The following DUSP10 variants were observed in gnomAD, a reference collection of about 807,000 sequenced individuals.
DUSP10 encodes the protein dual specificity protein phosphatase 10.
DUSP10 carries 14 observed loss-of-function variants against 30.8 expected under a neutral mutation model. That is an observed-to-expected ratio of 0.46 (90% confidence interval 0.30 to 0.71). The LOEUF is 0.71. Among genes scored for constraint, DUSP10 ranks in the 30% least tolerant of loss-of-function variants. The pLI, the probability that DUSP10 is intolerant of heterozygous loss-of-function variation, is 0.08. For synonymous variants in DUSP10, 254 were observed against 250.4 expected (o/e 1.01, Z -0.14); for missense variants, 550 against 619.4 (o/e 0.89, Z 1.19).
Position 221,739,918 on chromosome 1 carries a change from T to C in DUSP10, c.-43-131A>G, listed in dbSNP as rs1159783101. The C allele has an allele frequency of 1.8e-5, 16 of 896,922 alleles. No individual in the cohort carries two copies. In the Admixed American group the frequency reaches 2.1e-4, roughly 12 times the overall value. The allele number at this position is 896,922 out of a possible 1,614,324, so 55.6% of individuals were successfully genotyped here. ...TCCTAATTGCCCTTTATCATACCATTATCAAAACTTGAAATTCATTTTTAT... is the reference window on the plus strand; with the variant it reads ...TCCTAATTGCCCTTTATCATACCATCATCAAAACTTGAAATTCATTTTTAT... On this transcript the variant is annotated intron_variant, in intron 1 of 3. Transcript: ENST00000366899.
chr1:221,701,688 C>T lies in DUSP10; in HGVS notation c.*724G>A, dbSNP rs532144906. 2.0e-5 allele frequency: 3 copies of T among 151,920 alleles called. No homozygotes were observed. Among genetic ancestry groups the T allele is most frequent in the Non-Finnish European group, 4.4e-5 (3 of 67,926 alleles). 9.4% of individuals were successfully genotyped at this position (151,920 alleles called of 1,614,324 possible). On this transcript the variant is annotated 3_prime_UTR_variant, in exon 4 of 4. Transcript: ENST00000366899. Reference sequence around the variant, plus strand: ...TGGCAAATTTGCACTATTTGTCTATCATTCAGCTGCCAGCTCTAACTTGTT... The same window carrying T: ...TGGCAAATTTGCACTATTTGTCTATTATTCAGCTGCCAGCTCTAACTTGTT...
At chr1:221,735,770 G>A (rs1407617960) in intron 2 of DUSP10, among the ~76,000 whole-genome samples, 2 of 152,170 alleles carry the variant, frequency 1.3e-5, no homozygotes, top group Admixed American at 1.3e-4. Context: ...CCTGGACCCA[G>A]CTTTACTGAA....
At position 221,702,166 on chromosome 1, in the gene DUSP10, G is replaced by A. The variant is rs1660624076; in HGVS notation, c.*246C>T. The A allele has an allele frequency of 2.1e-6, 1 of 476,820 alleles. No individual in the cohort carries two copies. The highest frequency in any genetic ancestry group is 3.8e-5 in the Admixed American group (1 of 26,332). The allele number at this position is 476,820 out of a possible 1,614,324, so 29.5% of individuals were successfully genotyped here. Reference sequence around the variant, plus strand: ...AAACAAGTTGTATTATATTTTTATTGTTGGCTTAAAAAAATTACTTCTTTA... The same window carrying A: ...AAACAAGTTGTATTATATTTTTATTATTGGCTTAAAAAAATTACTTCTTTA... On this transcript the variant is annotated 3_prime_UTR_variant, in exon 4 of 4. Transcript: ENST00000366899. This position sits in a 1 kb window ranked among gnomAD's most constrained non-coding sequence, Gnocchi z 4.5.
intron 2 of DUSP10, among the ~76,000 whole-genome samples, chr1:221,733,065 A>G (rs984178773): frequency 1.3e-5 from 2 of 152,246 alleles, no homozygotes; most frequent in Admixed American, 6.5e-5. Flanking sequence ...TATATCACAC[A>G]TTCATGCCCA....
intron 2 of DUSP10, among the ~76,000 whole-genome samples, chr1:221,723,845 C>T (rs1661345549): frequency 6.6e-6 from 1 of 152,172 alleles, no homozygotes; most frequent in Non-Finnish European, 1.5e-5. Flanking sequence ...TTATTGGGTT[C>T]CATTACTTAG....
intron 2 of DUSP10, among the ~76,000 whole-genome samples, chr1:221,725,566 C>T (rs1661402684): frequency 1.3e-5 from 2 of 152,126 alleles, no homozygotes; most frequent in African/African-American, 2.4e-5. Context: ...TTATAATATA[C>T]TCAACCAATT....
chr1:221,738,501 T>C (rs1322587586), intron 2 of DUSP10, among the ~76,000 whole-genome samples: 1 of 152,258 alleles, frequency 6.6e-6, no homozygotes, highest in East Asian at 1.9e-4. Context: ...CCTGTAGGTT[T>C]ACTTGTAGTT....
At chr1:221,737,270 C>T (rs557094563) in intron 2 of DUSP10, 99 of 985,410 alleles carry the variant, frequency 1.0e-4, no homozygotes, top group Non-Finnish European at 1.1e-4. Flanking sequence ...TGAACACCTG[C>T]TCTGCGTGAG....
chr1:221,702,587 T>C lies in DUSP10; in HGVS notation c.1274A>G (p.Lys425Arg). ...ATCAGTCATGGTCATCCGAGTGTGC[T>C]TCATCAAGTAAGCGATGACGATGGT... ...SATIVIAYLM[K>R]HTRMTMTDAY... The change falls in exon 4 of 4, where the codon AAG (lysine) becomes AGG (arginine). Residue 425 changes from lysine to arginine, a missense_variant. Physicochemically the swap from Lys to Arg is conservative, Grantham distance 26. Transcript: ENST00000366899. The surrounding 1 kb of genome is among the most constrained non-coding windows in gnomAD (Gnocchi z 4.5). 1.9e-6 allele frequency: 3 copies of C among 1,614,090 alleles called. No homozygotes were observed. The highest frequency in any genetic ancestry group is 2.5e-6 in the Non-Finnish European group (3 of 1,180,028).
At chr1:221,705,621 G>A (rs1197411094) in intron 3 of DUSP10, among the ~76,000 whole-genome samples, 1 of 152,128 alleles carries the variant, frequency 6.6e-6, no homozygotes, top group Non-Finnish European at 1.5e-5. Context: ...CTCCCCTTAT[G>A]CTGGATGAAT....
In DUSP10 at chr1:221,739,760, T is replaced by C. The variant is rs201096194; in HGVS notation, c.-16A>G. ...ACGGAGGCATGAGGAGGCTGAAAAC[T>C]GGCAATTCAAGAAGAACTCAAGACA... On this transcript the variant is annotated 5_prime_UTR_variant, in exon 2 of 4. Transcript: ENST00000366899. The C allele has an allele frequency of 1.6e-4, 252 of 1,554,070 alleles. 1 individual carries two copies. In the East Asian group the frequency reaches 5.7e-3, roughly 35 times the overall value.
intron 2 of DUSP10, among the ~76,000 whole-genome samples, chr1:221,738,704 A>C (rs937293546): frequency 2.0e-5 from 3 of 152,250 alleles, no homozygotes; most frequent in Non-Finnish European, 4.4e-5. Context: ...TGCACAATGC[A>C]AATTAGAACC....
intron 2 of DUSP10, among the ~76,000 whole-genome samples, chr1:221,731,180 G>A (rs1661579500): frequency 6.6e-6 from 1 of 152,122 alleles, no homozygotes; most frequent in African/African-American, 2.4e-5. Flanking sequence ...AGGGGATTTA[G>A]GGGAAATAAC....
At chr1:221,715,494 GC>G (rs1661071845) in intron 2 of DUSP10, among the ~76,000 whole-genome samples, 1 of 152,096 alleles carries the variant, frequency 6.6e-6, no homozygotes, top group African/African-American at 2.4e-5. Context: ...CAGTTCTCTT[GC>G]CCCCCTCCTA....
intron 1 of DUSP10, among the ~76,000 whole-genome samples, chr1:221,740,959 C>T (rs979603987): frequency 3.3e-5 from 5 of 152,180 alleles, no homozygotes; most frequent in Non-Finnish European, 7.3e-5. Flanking sequence ...CCAAGAGACG[C>T]TCACCTAAAC....
At chr1:221,733,667 T>G (rs1454895712) in intron 2 of DUSP10, among the ~76,000 whole-genome samples, 1 of 152,228 alleles carries the variant, frequency 6.6e-6, no homozygotes, top group Non-Finnish European at 1.5e-5. Flanking sequence ...AGGTACTTTG[T>G]ATCACCTTGT....
intron 2 of DUSP10, among the ~76,000 whole-genome samples, chr1:221,715,588 C>A (rs887774955): frequency 3.9e-5 from 6 of 152,202 alleles, no homozygotes; most frequent in African/African-American, 1.4e-4. Flanking sequence ...ATAACACAGG[C>A]AGATTGTTTT....
chr1:221,739,494 G>C lies in DUSP10; in HGVS notation c.251C>G (p.Ala84Gly). Residue 84 changes from alanine (A) to glycine (G), a missense_variant, in exon 2 of 4, where the codon GCA becomes GGA. Coordinates refer to ENST00000366899, the MANE Select transcript of DUSP10 (RefSeq NM_007207.6). ...GGCCTGATTGTCCTTGTCGTAGGTTGCCACAGTGCAGCAGCTGGCACTGCT... is the reference window on the plus strand; with the variant it reads ...GGCCTGATTGTCCTTGTCGTAGGTTCCCACAGTGCAGCAGCTGGCACTGCT... Reference protein sequence around the residue: ...GCSSASCCTVATYDKDNQAQT... With the variant: ...GCSSASCCTVGTYDKDNQAQT... The C allele has an allele frequency of 6.2e-7, 1 of 1,614,194 alleles. No homozygotes were observed. Among genetic ancestry groups the C allele is most frequent in the Non-Finnish European group, 8.5e-7 (1 of 1,180,042 alleles).
At chr1:221,710,249 G>C (rs1221219076) in intron 2 of DUSP10, among the ~76,000 whole-genome samples, 1 of 152,014 alleles carries the variant, frequency 6.6e-6, no homozygotes, top group Non-Finnish European at 1.5e-5. Flanking sequence ...GTCCATGAGA[G>C]CCCTAAGTGC....
Sources: allele counts gnomAD v4.1 joint callset (sites outside exome capture counted in the v4.1 genomes callset), GRCh38; gene constraint gnomAD v4.1.1; non-coding constraint Gnocchi (gnomAD v3.1); transcripts MANE v1.5; gene names NCBI Gene and HGNC (gene_info 2026-07-23, HGNC 2026-07-21).